The following DGKD variants were observed in gnomAD, a reference collection of about 807,000 sequenced individuals.
DGKD encodes DAG kinase delta.
In DGKD, 68 loss-of-function variants were observed where a neutral mutation model predicts 154.4. The ratio of observed to expected loss-of-function variants is 0.44; its 90% confidence interval spans 0.36 to 0.54. DGKD has a LOEUF of 0.54. Among genes scored for constraint, DGKD ranks in the 20% least tolerant of loss-of-function variants. The pLI, the probability that DGKD is intolerant of heterozygous loss-of-function variation, is 0.00. For missense variants in DGKD, 1,343 were observed against 1,593.6 expected (o/e 0.84, Z 2.68); for synonymous variants, 693 against 638.0 (o/e 1.09, Z -1.30).
chr2:233,404,214 T>TA (rs1255018267), intron 3 of DGKD, among the ~76,000 whole-genome samples: 11 of 152,212 alleles, frequency 7.2e-5, no homozygotes, highest in Admixed American at 7.2e-4. Context: ...GATCGTTTTT[T>TA]ATGGTGGCAG....
intron 1 of DGKD, chr2:233,386,289 C>T (rs1370051760): frequency 1.8e-5 from 5 of 278,862 alleles, no homozygotes; most frequent in Non-Finnish European, 2.9e-5. Context: ...GAAAGGGTCT[C>T]GTGGTATATG....
At position 233,391,125 on chromosome 2, in the gene DGKD, A is replaced by G. The variant is rs370224665; in HGVS notation, c.348+642A>G. Among the ~76,000 whole-genome samples the G allele has an allele frequency of 2.6e-5, 4 of 152,372 alleles. No homozygotes were observed. In the East Asian group the frequency reaches 7.7e-4, roughly 29 times the overall value. On this transcript the variant is annotated intron_variant, in intron 3 of 29. Transcript: ENST00000264057. ...GCAGACAAGTATGTTAAAGCAATTAAAAAGCAGCCATAACAGCCACCTCAA... is the reference window on the plus strand; with the variant it reads ...GCAGACAAGTATGTTAAAGCAATTAGAAAGCAGCCATAACAGCCACCTCAA...
rs566549446 is a variant in DGKD, at chr2:233,384,367, G to C, written c.157-3890G>C. Among the ~76,000 whole-genome samples, 12 of 152,116 alleles carry C rather than the reference G, an allele frequency of 7.9e-5. No homozygotes were observed. In the South Asian group the frequency reaches 2.3e-3, roughly 29 times the overall value. On this transcript the variant is annotated intron_variant, in intron 1 of 29. Transcript: ENST00000264057. ...TCTCCTTTCTGGCTTTCCTTCCTTG[G>C]TATTGGTGTCCCTGGGTTCCCATTT... is the stretch of plus-strand genomic sequence containing the variant.
chr2:233,375,555 A>G (rs1466703349), intron 1 of DGKD, among the ~76,000 whole-genome samples: 3 of 152,058 alleles, frequency 2.0e-5, no homozygotes, highest in Admixed American at 6.5e-5. Context: ...GCACTGCCGC[A>G]TTGTTCTCAG....
At position 233,468,430 on chromosome 2, in the gene DGKD, C is replaced by T. The variant is rs1167545532; in HGVS notation, c.3432C>T (p.Leu1144=). 3 of 1,613,280 alleles carry T rather than the reference C, an allele frequency of 1.9e-6. No homozygotes were observed. The highest frequency in any genetic ancestry group is 2.5e-6 in the Non-Finnish European group (3 of 1,179,844). Residue 1144 remains leucine, a synonymous_variant, in exon 29 of 30, where the codon CTC becomes CTT. Transcript: ENST00000264057. ...CTTTTCCATCTCCGACAGTTCACCT[C>T]TGGGGGACAGAGGAGGTTGCTGCCT... is the stretch of plus-strand genomic sequence containing the variant. ...AHSSLGAPVH[L]WGTEEVAAWL... is the part of the protein sequence containing the mutation.
At chr2:233,364,375 G>A (rs2125383183) in intron 1 of DGKD, among the ~76,000 whole-genome samples, 1 of 152,284 alleles carries the variant, frequency 6.6e-6, no homozygotes, top group African/African-American at 2.4e-5. Context: ...GTTACAGGAA[G>A]GAATAGAGAC....
chr2:233,428,907 T>C (rs1422185893), intron 3 of DGKD, among the ~76,000 whole-genome samples: 4 of 152,144 alleles, frequency 2.6e-5, no homozygotes, highest in Non-Finnish European at 5.9e-5. Flanking sequence ...GTTTTTTCCT[T>C]AGAAGCCAAA....
In DGKD at chr2:233,450,074, C is replaced by G; in HGVS notation, c.1981C>G (p.Pro661Ala). The change falls in exon 16 of 30, where the codon CCA becomes GCA. Residue 661 changes from proline to alanine, a missense_variant. Pro to Ala is a conservative substitution (Grantham distance 27). Transcript: ENST00000264057. ...SEEKMDHRVCPPLSHSESFGV... is the reference protein window; with the variant it reads ...SEEKMDHRVCAPLSHSESFGV... ...GGAGAAGATGGACCACAGAGTGTGC[C>G]CACCACTGTCCCACAGCGAGAGCTT... The G allele has an allele frequency of 6.2e-7, 1 of 1,613,982 alleles. No homozygotes were observed. The highest frequency in any genetic ancestry group is 8.5e-7 in the Non-Finnish European group (1 of 1,179,946).
chr2:233,466,974 AGCTCCC>A, intron 27 of DGKD, 106 bp from the exon 28 acceptor site: 5 of 795,348 alleles, frequency 6.3e-6, no homozygotes, highest in Non-Finnish European at 1.1e-5. Flanking sequence ...GGTCTTTCCC[AGCTCCC>A]GCTCATCTCA....
rs1345120533 is a variant in DGKD at position 233,402,592 on chromosome 2, A to G, written c.348+12109A>G. ...AAGCCCCGCTGAAGAGGTGCTCACT[A>G]TTGTGGACCCCTCTGTGGGCCAGGC... is the stretch of plus-strand genomic sequence containing the variant. On this transcript the variant is annotated intron_variant, in intron 3 of 29. Coordinates refer to ENST00000264057, the MANE Select transcript of DGKD (RefSeq NM_152879.3). Among the ~76,000 whole-genome samples, 2 of 152,094 alleles carry G rather than the reference A, an allele frequency of 1.3e-5. 1 individual carries two copies. The highest frequency in any genetic ancestry group is 2.9e-5 in the Non-Finnish European group (2 of 68,014).
intron 4 of DGKD, 71 bp from the exon 5 acceptor site, chr2:233,434,698 T>G: frequency 1.3e-6 from 2 of 1,572,274 alleles, no homozygotes; most frequent in South Asian, 1.2e-5. Context: ...TGTTTAATCT[T>G]GTCCAAGTTA....
Position 233,438,119 on chromosome 2 carries a change from G to C in DGKD, c.923-98G>C. 2 of 1,363,446 alleles carry C rather than the reference G, an allele frequency of 1.5e-6. No homozygotes were observed. Among genetic ancestry groups the C allele is most frequent in the Non-Finnish European group, 2.0e-6 (2 of 981,370 alleles). The allele number at this position is 1,363,446 out of a possible 1,614,324, so 84.5% of individuals were successfully genotyped here. ...TTACAGGTGTGCATGTGTCAGGTGT[G>C]TGTCCTTTGGGGGGGTCTGCTGCTG... On this transcript the variant is annotated intron_variant, in intron 8 of 29. Transcript: ENST00000264057. This position sits in a 1 kb window ranked among gnomAD's most constrained non-coding sequence, Gnocchi z 4.1.
Position 233,354,652 on chromosome 2 carries a change from C to A in DGKD, c.134C>A (p.Thr45Lys). 1.9e-6 allele frequency: 2 copies of A among 1,076,584 alleles called. No individual in the cohort carries two copies. Among genetic ancestry groups the A allele is most frequent in the South Asian group, 2.6e-5 (1 of 39,064 alleles). 66.7% of individuals were successfully genotyped at this position (1,076,584 alleles called of 1,614,324 possible). The part of the protein sequence containing the change: ...SPQKLIRKVS[T>K]SGQIRQKTII... ...CAGAAGCTCATCCGCAAGGTGTCCA[C>A]GTCGGGTCAGATCCGACAGAAGGTG... The change falls in exon 1 of 30, where the codon ACG (threonine) becomes AAG (lysine). Residue 45 changes from threonine (T) to lysine (K), a missense_variant. Thr to Lys is a moderately conservative substitution (Grantham distance 78, BLOSUM62 -1). Around this residue, in one of 6 missense-constraint regions of DGKD, gnomAD observed 332 missense variants for 400.1 expected, o/e 0.83. Transcript: ENST00000264057. The surrounding 1 kb of genome is among the most constrained non-coding windows in gnomAD (Gnocchi z 4.8).
intron 3 of DGKD, among the ~76,000 whole-genome samples, chr2:233,422,433 G>A (rs935953581): frequency 6.6e-6 from 1 of 152,330 alleles, no homozygotes; most frequent in African/African-American, 2.4e-5. Context: ...ACACTCCTGC[G>A]TGTGCTTGGA....
At chr2:233,428,639 A>G (rs1217226262) in intron 3 of DGKD, among the ~76,000 whole-genome samples, 1 of 152,170 alleles carries the variant, frequency 6.6e-6, no homozygotes, top group Admixed American at 6.5e-5. Context: ...CACCTGCTCT[A>G]AGTTACACAG....
chr2:233,462,504 G>T, intron 25 of DGKD, 45 bp downstream of exon 25: 1 of 1,559,316 alleles, frequency 6.4e-7, no homozygotes, highest in South Asian at 1.1e-5. Context: ...CTCAGTGTCT[G>T]CCGCCCTCGG....
intron 3 of DGKD, among the ~76,000 whole-genome samples, chr2:233,414,862 C>T (rs562483336): frequency 4.0e-4 from 61 of 152,262 alleles, no homozygotes; most frequent in African/African-American, 1.3e-3. Flanking sequence ...GAGCAGTGAA[C>T]CATTTTTGTC....
intron 1 of DGKD, among the ~76,000 whole-genome samples, chr2:233,366,978 A>G (rs995709511): frequency 2.0e-5 from 3 of 152,222 alleles, no homozygotes; most frequent in African/African-American, 7.2e-5. Flanking sequence ...CAATACCATT[A>G]TACCTGAAAA....
chr2:233,462,063 C>T (rs1160460605), intron 24 of DGKD, among the ~76,000 whole-genome samples: 1 of 152,232 alleles, frequency 6.6e-6, no homozygotes, highest in Non-Finnish European at 1.5e-5. Flanking sequence ...TGCCCACTGG[C>T]CGTTTTACAG....
Sources: allele counts gnomAD v4.1 joint callset (sites outside exome capture counted in the v4.1 genomes callset), GRCh38; gene constraint gnomAD v4.1.1; regional missense constraint gnomAD v4.1.1; non-coding constraint Gnocchi (gnomAD v3.1); transcripts MANE v1.5; gene names NCBI Gene and HGNC (gene_info 2026-07-23, HGNC 2026-07-21).